Variants in CCSER1 observed in about 807,000 individuals in gnomAD.
CCSER1 encodes serine-rich coiled-coil domain-containing protein 1.
CCSER1 carries 41 observed loss-of-function variants against 82.0 expected under a neutral mutation model. The ratio of observed to expected loss-of-function variants is 0.50; its 90% CI spans 0.39 to 0.65. The LOEUF (loss-of-function observed/expected upper bound fraction) is 0.65. Ranked by LOEUF, CCSER1 falls within the 30% of genes least tolerant of loss-of-function variation. The probability of loss-of-function intolerance (pLI) is 0.00; values close to 1 mark genes in which losing one functional copy is unlikely to be tolerated. For synonymous variants in CCSER1, 414 were observed against 383.9 expected (o/e 1.08, Z -0.92); for missense variants, 1,119 against 1,064.2 (o/e 1.05, Z -0.72).
At chr4:91,579,544 C>T (rs184083172) in intron 10 of CCSER1, among the ~76,000 whole-genome samples, 1 of 151,824 alleles carries the variant, frequency 6.6e-6, no homozygotes, top group East Asian at 1.9e-4. Flanking sequence ...GAGAAAGGGT[C>T]TCTCAGAGAA....
chr4:91,107,652 TTTTTGA>T (rs887490571), intron 10 of CCSER1, among the ~76,000 whole-genome samples: 5 of 151,638 alleles, frequency 3.3e-5, no homozygotes, highest in African/African-American at 9.7e-5. Context: ...TTTTTTTTTT[TTTTTGA>T]TGTTTGAAAA....
intron 4 of CCSER1, among the ~76,000 whole-genome samples, chr4:90,467,699 C>T (rs1227302987): frequency 1.4e-5 from 2 of 146,066 alleles, no homozygotes; most frequent in Non-Finnish European, 3.0e-5. Context: ...CAAAACAAAA[C>T]CAAAAAAAAA....
In CCSER1 at chr4:91,141,828, A is replaced by G. The variant is rs1052900600; in HGVS notation, c.2217+55834A>G. Among the ~76,000 whole-genome samples the G allele has an allele frequency of 5.3e-5, 8 of 152,214 alleles. No homozygotes were observed. The East Asian group carries it at 1.5e-3, about 29-fold the overall frequency. On this transcript the variant is annotated intron_variant, in intron 10 of 10. Coordinates refer to ENST00000509176, the MANE Select transcript of CCSER1 (RefSeq NM_001145065.2). ...TTTAATAAAAGCCATTCTGACTCAGATGGTATTTCATTGTTGTTTTGATTT... is the reference window on the plus strand; with the variant it reads ...TTTAATAAAAGCCATTCTGACTCAGGTGGTATTTCATTGTTGTTTTGATTT...
chr4:90,500,721 C>T (rs1769732267), intron 5 of CCSER1, among the ~76,000 whole-genome samples: 1 of 147,622 alleles, frequency 6.8e-6, no homozygotes, highest in African/African-American at 2.6e-5. Flanking sequence ...AGAAAACAAA[C>T]AAGCAAGAAA....
chr4:90,718,322 C>T (rs1250061804), intron 6 of CCSER1, among the ~76,000 whole-genome samples: 2 of 151,900 alleles, frequency 1.3e-5, no homozygotes, highest in Admixed American at 6.6e-5. Context: ...AGATTTCAGC[C>T]CAATTGATCA....
intron 7 of CCSER1, among the ~76,000 whole-genome samples, chr4:90,752,382 A>G (rs1748805696): frequency 6.6e-6 from 1 of 152,122 alleles, no homozygotes; most frequent in South Asian, 2.1e-4. Flanking sequence ...TTGCCTTGGC[A>G]TATAAGAAAC....
At chr4:91,239,060 G>A (rs999331829) in intron 10 of CCSER1, among the ~76,000 whole-genome samples, 1 of 151,608 alleles carries the variant, frequency 6.6e-6, no homozygotes, top group African/African-American at 2.4e-5. Flanking sequence ...TTCTGACCAC[G>A]TGATCCCCCC....
intron 1 of CCSER1, among the ~76,000 whole-genome samples, chr4:90,298,479 G>A (rs1167332139): frequency 6.6e-6 from 1 of 151,184 alleles, no homozygotes; most frequent in African/African-American, 2.4e-5. Context: ...AGGGTTTTTT[G>A]TGTCTCTATT....
Position 90,413,981 on chromosome 4 carries a change from AATATATAT to A in CCSER1, c.1603+13875_1603+13882del, listed in dbSNP as rs70963066. 4.1e-3 allele frequency among the ~76,000 whole-genome samples: 215 copies of A among 52,426 alleles called. 6 individuals carry two copies. Among genetic ancestry groups the A allele is most frequent in the African/African-American group, 0.021 (202 of 9,716 alleles). 34.4% of individuals were successfully genotyped at this position (52,426 alleles called of 152,430 possible). On this transcript the variant is annotated intron_variant, in intron 4 of 10. Transcript: ENST00000509176. ...AAAAAAAAAAAAAAAAAAAAAAAAA[AATATATAT>A]ATATATATATATATATATATATCTT...
intron 10 of CCSER1, among the ~76,000 whole-genome samples, chr4:91,223,624 T>C (rs1209699596): frequency 1.3e-5 from 2 of 151,962 alleles, no homozygotes; most frequent in South Asian, 2.1e-4. Context: ...AGGGAAAACA[T>C]AGCTGAGGAT....
At chr4:90,818,529 G>A (rs758224912) in intron 8 of CCSER1, among the ~76,000 whole-genome samples, 2 of 152,026 alleles carry the variant, frequency 1.3e-5, no homozygotes, top group Non-Finnish European at 2.9e-5. Context: ...TGCCCACCTC[G>A]GTTTCCCAAA....
intron 10 of CCSER1, among the ~76,000 whole-genome samples, chr4:91,437,656 G>T (rs570507524): frequency 3.3e-5 from 5 of 152,178 alleles, no homozygotes; most frequent in African/African-American, 1.2e-4. Context: ...CGCACCCTGC[G>T]CCAGCCGAAG....
intron 9 of CCSER1, among the ~76,000 whole-genome samples, chr4:90,997,456 A>G (rs574385493): frequency 2.0e-5 from 3 of 152,160 alleles, no homozygotes; most frequent in Non-Finnish European, 4.4e-5. Context: ...TCTTAATTTG[A>G]TCACTTATGC....
intron 8 of CCSER1, among the ~76,000 whole-genome samples, chr4:90,817,168 T>A (rs1331780152): frequency 4.6e-5 from 7 of 152,152 alleles, no homozygotes; most frequent in Non-Finnish European, 8.8e-5. Context: ...TAATGCTTTT[T>A]TACGTTGCAT....
At chr4:90,626,822 T>A (rs1195480680) in intron 5 of CCSER1, among the ~76,000 whole-genome samples, 3 of 152,206 alleles carry the variant, frequency 2.0e-5, no homozygotes, top group Non-Finnish European at 4.4e-5. Flanking sequence ...ATTACATGAC[T>A]GCCTGAGGTT....
intron 1 of CCSER1, among the ~76,000 whole-genome samples, chr4:90,261,151 T>A (rs1341551455): frequency 6.6e-6 from 1 of 151,180 alleles, no homozygotes; most frequent in African/African-American, 2.5e-5. Context: ...AGTTGTTACC[T>A]AGATACACTG....
intron 6 of CCSER1, among the ~76,000 whole-genome samples, chr4:90,646,634 C>T (rs899752438): frequency 6.6e-6 from 1 of 152,124 alleles, no homozygotes; most frequent in South Asian, 2.1e-4. Flanking sequence ...TCAGGTCTAT[C>T]CTGCTTTTCT....
chr4:91,566,918 ATCT>A (rs1457309274), intron 10 of CCSER1, among the ~76,000 whole-genome samples: 1 of 151,364 alleles, frequency 6.6e-6, no homozygotes, highest in Non-Finnish European at 1.5e-5. Flanking sequence ...ATTATTTCTC[ATCT>A]TCTGCTAGCA....
intron 10 of CCSER1, among the ~76,000 whole-genome samples, chr4:91,382,797 C>T (rs1014047169): frequency 1.3e-5 from 2 of 152,132 alleles, no homozygotes; most frequent in Admixed American, 6.6e-5. Context: ...TTCTGCGTCG[C>T]TCATGCTGGG....
Sources: allele counts gnomAD v4.1 joint callset (sites outside exome capture counted in the v4.1 genomes callset), GRCh38; gene constraint gnomAD v4.1.1; transcripts MANE v1.5; gene names NCBI Gene and HGNC (gene_info 2026-07-23, HGNC 2026-07-21).